The following PREPL variants were observed in gnomAD, a reference collection of about 807,000 sequenced individuals.
The protein encoded by PREPL is prolyl endopeptidase like, also known as prolyl endopeptidase-like.
A neutral mutation model predicts 70.6 loss-of-function variants in PREPL; 77 were observed. The observed-to-expected ratio is 1.09, with a 90% CI of 0.91 to 1.32. The LOEUF is 1.32. Among genes scored for constraint, PREPL ranks in the 40% most tolerant of loss-of-function variants. PREPL has a pLI of 0.00. For synonymous variants in PREPL, 315 were observed against 264.8 expected, an observed-to-expected ratio of 1.19 and a Z score of -1.84; for missense variants, 1,002 against 778.2, an observed-to-expected ratio of 1.29 and a Z score of -3.42.
intron 2 of PREPL, among the ~76,000 whole-genome samples, chr2:44,346,059 T>C (rs1675781350): frequency 6.6e-6 from 1 of 152,148 alleles, no homozygotes; most frequent in African/African-American, 2.4e-5. Flanking sequence ...CATCTTACTT[T>C]CGATCTTTAC....
At chr2:44,321,587 C>T (rs1672951625) in intron 13 of PREPL, 142 bp from the exon 14 acceptor site, 2 of 1,490,100 alleles carry the variant, frequency 1.3e-6, no homozygotes, top group Non-Finnish European at 1.8e-6. Flanking sequence ...GAGAGAGAGG[C>T]AGAAGGCTTC....
intron 4 of PREPL, among the ~76,000 whole-genome samples, chr2:44,342,938 T>C (rs1675388346): frequency 1.3e-5 from 2 of 152,198 alleles, no homozygotes; most frequent in African/African-American, 2.4e-5. Context: ...TGTGTAAACC[T>C]TCTCTGTCTG....
intron 7 of PREPL, among the ~76,000 whole-genome samples, chr2:44,334,272 A>G (rs1314410440): frequency 6.6e-6 from 1 of 152,186 alleles, no homozygotes; most frequent in East Asian, 1.9e-4. Context: ...TGAGAGAAAC[A>G]GGTTCAGTTT....
At chr2:44,359,524 G>A (rs1167535765) in intron 1 of PREPL, 2 of 1,612,586 alleles carry the variant, frequency 1.2e-6, no homozygotes, top group Admixed American at 3.3e-5. Context: ...GACTTGGGAT[G>A]TTTCTTGCTA....
chr2:44,359,483 TAAAC>T lies in PREPL; in HGVS notation c.-49+1893_-49+1896del, dbSNP rs1572594172. On this transcript the variant is annotated intron_variant, in intron 1 of 13. Coordinates refer to ENST00000409411, the MANE Select transcript of PREPL (RefSeq NM_001171613.2). ...TTAATGACCTACAAATAGGTTAACT[TAAAC>T]AGTCCATACCTTACATGAGAAGCTC... 7 of 1,568,202 alleles carry T rather than the reference TAAAC, an allele frequency of 4.5e-6. No homozygotes were observed. In the African/African-American group the frequency reaches 9.5e-5, roughly 21 times the overall value.
chr2:44,338,419 G>A lies in PREPL; in HGVS notation c.820C>T (p.Leu274=). Residue 274 remains leucine, a synonymous_variant, in exon 7 of 14, where the codon CTG becomes TTG. Coordinates refer to ENST00000409411, the MANE Select transcript of PREPL (RefSeq NM_001171613.2). ...DMFKDHCVLF[L]KHSNLLYVNV... ...ACATAAAGGAGATTGCTGTGCTTCA[G>A]AAATAGAACACAGTGATCCTTAAAC... is the stretch of plus-strand genomic sequence containing the variant. 2 of 1,613,612 alleles carry A rather than the reference G, an allele frequency of 1.2e-6. No individual in the cohort carries two copies. The highest frequency in any genetic ancestry group is 8.5e-7 in the Non-Finnish European group (1 of 1,179,830).
At chr2:44,327,163 T>C (rs552237585) in intron 9 of PREPL, among the ~76,000 whole-genome samples, 2 of 152,318 alleles carry the variant, frequency 1.3e-5, no homozygotes, top group African/African-American at 4.8e-5. Flanking sequence ...CAACTCCTGA[T>C]ATAGACAATC....
At chr2:44,324,045 A>G (rs952919312) in intron 10 of PREPL, among the ~76,000 whole-genome samples, 1 of 152,248 alleles carries the variant, frequency 6.6e-6, no homozygotes, top group Non-Finnish European at 1.5e-5. Context: ...CCAAAGAACG[A>G]ATAAGCAAAA....
rs879250203 is a variant in PREPL at position 44,346,505 on chromosome 2, G to C, written c.-48-115C>G. On this transcript the variant is annotated intron_variant, in intron 1 of 13. Coordinates refer to ENST00000409411, the MANE Select transcript of PREPL (RefSeq NM_001171613.2). ...TTAACGTTGTACAAAAAAGAAATAAGATTAAATAGTAGGTATTTCACAGAT... is the reference window on the plus strand; with the variant it reads ...TTAACGTTGTACAAAAAAGAAATAACATTAAATAGTAGGTATTTCACAGAT... 9.1e-5 allele frequency: 82 copies of C among 904,346 alleles called. No individual in the cohort carries two copies. In the South Asian group the frequency reaches 1.3e-3, roughly 14 times the overall value. 56.0% of individuals were successfully genotyped at this position (904,346 alleles called of 1,614,324 possible). A position where few individuals can be genotyped will look rare whatever the true frequency, so the allele number is the denominator to read the frequency against.
chr2:44,343,946 T>C lies in PREPL; in HGVS notation c.148A>G (p.Asn50Asp). 6.2e-7 allele frequency: 1 copy of C among 1,613,696 alleles called. No homozygotes were observed. The highest frequency in any genetic ancestry group is 8.5e-7 in the Non-Finnish European group (1 of 1,179,856). Residue 50 changes from asparagine to aspartate, a missense_variant, in exon 4 of 14, where the codon AAT becomes GAT. Coordinates refer to ENST00000409411, the MANE Select transcript of PREPL (RefSeq NM_001171613.2). ...TTGAATAAAACTTCATAATTATCATTGTCTGCTGTATAAAGAAAAATACGA... is the reference window on the plus strand; with the variant it reads ...TTGAATAAAACTTCATAATTATCATCGTCTGCTGTATAAAGAAAAATACGA... ...LVRSKDEEAD[N>D]DNYEVLFNLE...
At chr2:44,333,276 CTTAACT>C (rs1674304338) in intron 7 of PREPL, among the ~76,000 whole-genome samples, 1 of 152,142 alleles carries the variant, frequency 6.6e-6, no homozygotes, top group Non-Finnish European at 1.5e-5. Context: ...ACTCAAGGTT[CTTAACT>C]TTAAGAAAAA....
At chr2:44,322,667 T>C (rs1673090823) in intron 12 of PREPL, 64 bp downstream of exon 12, 7 of 1,549,200 alleles carry the variant, frequency 4.5e-6, no homozygotes, top group Non-Finnish European at 6.1e-6. Context: ...TATATTCCTC[T>C]GAGCAGTGTG....
intron 10 of PREPL, among the ~76,000 whole-genome samples, chr2:44,325,815 G>A (rs1487455506): frequency 6.6e-6 from 1 of 152,092 alleles, no homozygotes; most frequent in Non-Finnish European, 1.5e-5. Flanking sequence ...TCCCATCTCA[G>A]TCATTATTTT....
intron 1 of PREPL, among the ~76,000 whole-genome samples, chr2:44,358,750 G>C (rs139614026): frequency 6.6e-6 from 1 of 152,324 alleles, no homozygotes; most frequent in East Asian, 1.9e-4. Context: ...GGGTCTGGCA[G>C]AAGTACAATA....
chr2:44,323,463 G>C (rs576689257), intron 10 of PREPL, 52 bp from the exon 11 acceptor site: 2 of 1,424,144 alleles, frequency 1.4e-6, no homozygotes, highest in Non-Finnish European at 1.9e-6. Flanking sequence ...TGGTAAGTGA[G>C]TTTCAGAAAA....
intron 7 of PREPL, among the ~76,000 whole-genome samples, chr2:44,336,766 A>C (rs1199412233): frequency 6.6e-6 from 1 of 152,168 alleles, no homozygotes; most frequent in African/African-American, 2.4e-5. Context: ...GCACTCCAGC[A>C]GATGAAGACA....
chr2:44,341,493 T>C (rs1171602053), intron 5 of PREPL, among the ~76,000 whole-genome samples: 2 of 152,148 alleles, frequency 1.3e-5, no homozygotes, highest in African/African-American at 4.8e-5. Flanking sequence ...TGTTTTTATA[T>C]ATTTTTGTTT....
intron 11 of PREPL, 50 bp from the exon 12 acceptor site, chr2:44,322,904 T>C (rs768011870): frequency 7.3e-5 from 117 of 1,595,396 alleles, no homozygotes; most frequent in Non-Finnish European, 9.4e-5. Flanking sequence ...TTATGGTCCC[T>C]TGCCACTATA....
intron 12 of PREPL, 46 bp from the exon 13 acceptor site, chr2:44,321,946 T>G: frequency 1.9e-6 from 3 of 1,567,180 alleles, no homozygotes; most frequent in Non-Finnish European, 2.6e-6. Flanking sequence ...GTATGGGATC[T>G]TCTTTGGAAG....
Sources: allele counts gnomAD v4.1 joint callset (sites outside exome capture counted in the v4.1 genomes callset), GRCh38; gene constraint gnomAD v4.1.1; transcripts MANE v1.5; gene names NCBI Gene and HGNC (gene_info 2026-07-23, HGNC 2026-07-21).